The following ODAD4 variants were observed in gnomAD, a reference collection of about 807,000 sequenced individuals.
ODAD4 encodes the protein outer dynein arm docking complex subunit 4, also known as outer dynein arm-docking complex subunit 4.
ODAD4 carries 49 observed loss-of-function variants against 51.8 expected under a neutral mutation model. The observed-to-expected ratio is 0.95, with a 90% CI of 0.75 to 1.20. ODAD4 has a LOEUF of 1.20. ODAD4 is among the 50% of genes most tolerant of loss of function. The pLI is 0.00. For missense variants in ODAD4, 590 were observed against 586.5 expected (o/e 1.01, Z -0.06); for synonymous variants, 235 against 221.3 (o/e 1.06, Z -0.55).
chr17:41,935,085 G>C (rs1441893338), intron 1 of ODAD4, 132 bp from the exon 2 acceptor site: 3 of 1,092,240 alleles, frequency 2.7e-6, no homozygotes, highest in Non-Finnish European at 3.9e-6. Context: ...GAATCCCCTT[G>C]ATTCTTCAGA....
chr17:41,956,122 A>T (rs1322676583), intron 10 of ODAD4, among the ~76,000 whole-genome samples: 2 of 143,454 alleles, frequency 1.4e-5, no homozygotes, highest in African/African-American at 5.2e-5. Flanking sequence ...ATCTTGGCTC[A>T]CTGCAACCTC....
Position 41,938,574 on chromosome 17 carries a change from A to T in ODAD4, c.643A>T (p.Met215Leu). 2 of 1,613,888 alleles carry T rather than the reference A, an allele frequency of 1.2e-6. No homozygotes were observed. The highest frequency in any genetic ancestry group is 1.7e-6 in the Non-Finnish European group (2 of 1,179,868). The change falls in exon 6 of 12, where the codon ATG (methionine) becomes TTG (leucine). Residue 215 changes from methionine (M) to leucine (L), a missense_variant. By Grantham distance (15) the Met-to-Leu change is conservative. This residue lies in a region of ODAD4 where 360 missense variants were observed against 407.5 expected (regional missense o/e 0.88). Coordinates refer to ENST00000377540, the MANE Select transcript of ODAD4 (RefSeq NM_031421.5). ...CCCCACAGACCTGATCAAAGGCACC[A>T]TGAAGGGCGGCCTGACTGTGGAGGA... ...LLDEDLIKGT[M>L]KGGLTVEDLI...
chr17:41,945,770 A>G (rs2050577068), intron 8 of ODAD4, among the ~76,000 whole-genome samples: 1 of 151,262 alleles, frequency 6.6e-6, no homozygotes, highest in Non-Finnish European at 1.5e-5. Context: ...ACACGTTGGC[A>G]CGTGCCTGTA....
chr17:41,937,313 G>A (rs1192529764), intron 5 of ODAD4, among the ~76,000 whole-genome samples: 4 of 152,292 alleles, frequency 2.6e-5, no homozygotes, highest in East Asian at 3.9e-4. Context: ...GCTTAAATCC[G>A]AGGATATTAG....
intron 9 of ODAD4, among the ~76,000 whole-genome samples, chr17:41,952,469 G>C (rs2050667586): frequency 7.6e-6 from 1 of 132,360 alleles, no homozygotes; most frequent in Non-Finnish European, 1.6e-5. Flanking sequence ...CCCAGGTTGA[G>C]ACCGCAGTGA....
At position 41,936,863 on chromosome 17, in the gene ODAD4, C is replaced by T. The variant is rs782491295; in HGVS notation, c.561C>T (p.Val187=). The T allele has an allele frequency of 3.1e-6, 5 of 1,613,964 alleles. No homozygotes were observed. In the South Asian group the frequency reaches 4.4e-5, roughly 14 times the overall value. Residue 187 remains valine, a synonymous_variant, in exon 5 of 12, where the codon GTC becomes GTT. Transcript: ENST00000377540. ...WKASLKSEKT[V]RQLLGELYVD... is the part of the protein sequence containing the mutation. Reference sequence around the variant, plus strand: ...CCTCGCTCAAGAGTGAGAAGACTGTCCGCCAGCTTCTGGGGGAGCTCTACG... The same window carrying T: ...CCTCGCTCAAGAGTGAGAAGACTGTTCGCCAGCTTCTGGGGGAGCTCTACG...
At chr17:41,962,140 G>T (rs1386687324) in intron 11 of ODAD4, among the ~76,000 whole-genome samples, 1 of 152,202 alleles carries the variant, frequency 6.6e-6, no homozygotes, top group East Asian at 1.9e-4. Flanking sequence ...ATCTTGTTGG[G>T]TCTTTACCCC....
intron 6 of ODAD4, 42 bp from the exon 7 acceptor site, chr17:41,938,923 G>A (rs1408193782): frequency 1.9e-6 from 3 of 1,595,070 alleles, no homozygotes; most frequent in Non-Finnish European, 2.6e-6. Flanking sequence ...TCAGCTAAGA[G>A]GAGGCTGCCC....
At chr17:41,953,857 G>A (rs2050692129) in intron 9 of ODAD4, among the ~76,000 whole-genome samples, 2 of 151,542 alleles carry the variant, frequency 1.3e-5, no homozygotes, top group African/African-American at 4.8e-5. Flanking sequence ...GGTAGAGATC[G>A]GGTCTCACTA....
rs2050773999 is a variant in ODAD4, at chr17:41,959,268, C to T, written c.1444-2114C>T. Among the ~76,000 whole-genome samples the T allele has an allele frequency of 2.6e-5, 4 of 152,238 alleles. 1 individual carries two copies. The South Asian group carries it at 8.3e-4, about 32-fold the overall frequency. On this transcript the variant is annotated intron_variant, in intron 10 of 11. Coordinates refer to ENST00000377540, the MANE Select transcript of ODAD4 (RefSeq NM_031421.5). The stretch of plus-strand genomic sequence containing the variant: ...GCACACTCACCCAGGCCTCTTCCTC[C>T]TGCTTCTGACCAGACAGCTTCCTTA...
intron 10 of ODAD4, among the ~76,000 whole-genome samples, chr17:41,958,236 C>T (rs1555641241): frequency 6.6e-6 from 1 of 152,184 alleles, no homozygotes; most frequent in Non-Finnish European, 1.5e-5. Context: ...ACCCCTCAGT[C>T]TGGGTGAGGA....
At chr17:41,964,431 A>G (rs1172965420) in intron 11 of ODAD4, among the ~76,000 whole-genome samples, 1 of 152,098 alleles carries the variant, frequency 6.6e-6, no homozygotes, top group Non-Finnish European at 1.5e-5. Flanking sequence ...GCGCATTTTC[A>G]TGATGTCTGG....
In ODAD4 at chr17:41,945,215, A is replaced by G. The variant is rs1555639335; in HGVS notation, c.1138A>G (p.Ile380Val). Residue 380 changes from isoleucine (I) to valine (V), a missense_variant, in exon 8 of 12, where the codon ATT becomes GTT. Physicochemically the swap from Ile to Val is conservative, Grantham distance 29. Coordinates refer to ENST00000377540, the MANE Select transcript of ODAD4 (RefSeq NM_031421.5). ...CAGAGTTGGGAAATTCCAGCAAGCC[A>G]TTGACACGTGAGTGACCAAGAATTG... ...FARVGKFQQA[I>V]DTWEEKIPLA... The G allele has an allele frequency of 1.2e-6, 2 of 1,612,350 alleles. No individual in the cohort carries two copies. Among genetic ancestry groups the G allele is most frequent in the Non-Finnish European group, 1.7e-6 (2 of 1,179,264 alleles).
chr17:41,959,712 G>A (rs2050779141), intron 10 of ODAD4, among the ~76,000 whole-genome samples: 1 of 152,172 alleles, frequency 6.6e-6, no homozygotes, highest in Admixed American at 6.5e-5. Flanking sequence ...GGGGATGGTG[G>A]TGACAGAGCC....
At position 41,954,872 on chromosome 17, in the gene ODAD4, C is replaced by A. The variant is rs544438731; in HGVS notation, c.1343-345C>A. 6.6e-5 allele frequency among the ~76,000 whole-genome samples: 10 copies of A among 150,646 alleles called. No homozygotes were observed. In the East Asian group the frequency reaches 1.8e-3, roughly 26 times the overall value. ...TCTCAAAAAAAAAAAAAAAAAAATT[C>A]GTCTTCCAGAACAATCTAAAGATGG... is the stretch of plus-strand genomic sequence containing the variant. On this transcript the variant is annotated intron_variant, in intron 9 of 11. Transcript: ENST00000377540.
intron 1 of ODAD4, among the ~76,000 whole-genome samples, chr17:41,931,198 GC>G (rs2050331416): frequency 6.6e-6 from 1 of 151,894 alleles, no homozygotes. Context: ...CCTGCCCCCT[GC>G]CCTCACCTTT....
chr17:41,937,253 C>T (rs2050442062), intron 5 of ODAD4, among the ~76,000 whole-genome samples: 1 of 152,212 alleles, frequency 6.6e-6, no homozygotes, highest in South Asian at 2.1e-4. Flanking sequence ...GAAGGGACAT[C>T]CCCTTTGCCT....
In ODAD4 at chr17:41,965,176, C is replaced by A; in HGVS notation, c.1712C>A (p.Ala571Glu). The A allele has an allele frequency of 1.3e-6, 1 of 772,886 alleles. No individual in the cohort carries two copies. Among genetic ancestry groups the A allele is most frequent in the Admixed American group, 1.7e-5 (1 of 57,570 alleles). 47.9% of individuals were successfully genotyped at this position (772,886 alleles called of 1,614,324 possible). The change falls in exon 12 of 12, where the codon GCA (alanine) becomes GAA (glutamate). Residue 571 changes from alanine to glutamate, a missense_variant. Ala to Glu is a moderately radical substitution (Grantham distance 107). Transcript: ENST00000377540. ...GCAAGCGGAAAGCAGAGTGTGGAAG[C>A]AGGAAAAGCCAGAAGCGATTTGGGA... ...SPASGKQSVE[A>E]GKARSDLGAV...
chr17:41,964,168 C>T lies in ODAD4; in HGVS notation c.1529-825C>T, dbSNP rs193026787. 1.5e-3 allele frequency among the ~76,000 whole-genome samples: 228 copies of T among 152,070 alleles called. 1 individual carries two copies. The highest frequency in any genetic ancestry group is 4.4e-3 in the South Asian group (21 of 4,816). On this transcript the variant is annotated intron_variant, in intron 11 of 11. Transcript: ENST00000377540. ...CTCCGCCTCCTGGGTTCAAGCGATT[C>T]TCCTGCCTCAGCCTCCCAAGTAGCT...
Sources: allele counts gnomAD v4.1 joint callset (sites outside exome capture counted in the v4.1 genomes callset), GRCh38; gene constraint gnomAD v4.1.1; regional missense constraint gnomAD v4.1.1; transcripts MANE v1.5; gene names NCBI Gene and HGNC (gene_info 2026-07-23, HGNC 2026-07-21).